The following THSD7B variants were observed in gnomAD, a reference collection of about 807,000 sequenced individuals.
THSD7B encodes the protein thrombospondin type-1 domain-containing protein 7B.
In THSD7B, 138 loss-of-function variants were observed where a neutral mutation model predicts 213.6. The observed-to-expected ratio is 0.65, with a 90% CI of 0.56 to 0.74. The LOEUF (loss-of-function observed/expected upper bound fraction) is 0.74. Among genes scored for constraint, THSD7B ranks in the 30% least tolerant of loss-of-function variants. THSD7B has a pLI of 0.00. For missense variants in THSD7B, 1,931 were observed against 1,991.5 expected (o/e 0.97, Z 0.58); for synonymous variants, 742 against 687.0 (o/e 1.08, Z -1.25).
chr2:137,060,187 T>C lies in THSD7B; in HGVS notation c.950+2957T>C, dbSNP rs558698956. Among the ~76,000 whole-genome samples, 18 of 152,278 alleles carry C rather than the reference T, an allele frequency of 1.2e-4. No individual in the cohort carries two copies. The South Asian group carries it at 3.1e-3, about 26-fold the overall frequency. On this transcript the variant is annotated intron_variant, in intron 3 of 27. Transcript: ENST00000409968. ...TTATTTGATAAGGTGTCTATTCAGA[T>C]GTTTTGTCTATTTTTTAATTGAGTT...
intron 24 of THSD7B, among the ~76,000 whole-genome samples, chr2:137,658,821 T>G (rs12053559): frequency 0.38 from 57,266 of 152,138 alleles, 11,845 homozygotes; most frequent in Non-Finnish European, 0.47. Context: ...CAGAGCTTTT[T>G]GCTAGCTACA....
intron 26 of THSD7B, among the ~76,000 whole-genome samples, chr2:137,665,359 T>C (rs1683426466): frequency 6.6e-6 from 1 of 152,194 alleles, no homozygotes; most frequent in Non-Finnish European, 1.5e-5. Flanking sequence ...TGTGTGAGTA[T>C]ATGTGTGTGT....
At chr2:136,957,745 C>G (rs1262647667) in intron 2 of THSD7B, among the ~76,000 whole-genome samples, 1 of 152,092 alleles carries the variant, frequency 6.6e-6, no homozygotes, top group Non-Finnish European at 1.5e-5. Flanking sequence ...GCTAGAGAAA[C>G]CTTGGCTTAT....
intron 12 of THSD7B, among the ~76,000 whole-genome samples, chr2:137,296,089 G>GA (rs138206885): frequency 0.061 from 9,330 of 152,078 alleles, 531 homozygotes; most frequent in African/African-American, 0.14. Flanking sequence ...ATTCTTTGGG[G>GA]AAAACAATCC....
intron 2 of THSD7B, among the ~76,000 whole-genome samples, chr2:136,934,193 A>G: frequency 6.6e-6 from 1 of 152,354 alleles, no homozygotes; most frequent in Middle Eastern, 3.4e-3. Flanking sequence ...AGTAAATGAC[A>G]TGAAAATTGA....
At chr2:136,868,635 T>C (rs945476980) in intron 1 of THSD7B, among the ~76,000 whole-genome samples, 5 of 152,234 alleles carry the variant, frequency 3.3e-5, no homozygotes, top group Non-Finnish European at 5.9e-5. Context: ...AGTATTTTTT[T>C]AATCTCAAAG....
At chr2:137,536,436 A>C (rs115313038) in intron 15 of THSD7B, among the ~76,000 whole-genome samples, 3,013 of 151,694 alleles carry the variant, frequency 0.02, 101 homozygotes, top group African/African-American at 0.066. Context: ...GTGTTGGCCC[A>C]GGGTGAAAAT....
At position 137,272,170 on chromosome 2, in the gene THSD7B, G is replaced by A. The variant is rs528636116; in HGVS notation, c.2267-363G>A. 2.0e-5 allele frequency among the ~76,000 whole-genome samples: 3 copies of A among 152,226 alleles called. No homozygotes were observed. The East Asian group carries it at 5.8e-4, about 29-fold the overall frequency. On this transcript the variant is annotated intron_variant, in intron 10 of 27. Transcript: ENST00000409968. ...GGAGAAATCCCTTACTCAAGGGACTGAGTTGCTAATAATAAAACACCAGAG... is the reference window on the plus strand; with the variant it reads ...GGAGAAATCCCTTACTCAAGGGACTAAGTTGCTAATAATAAAACACCAGAG...
At chr2:137,454,582 T>C (rs1359261850) in intron 15 of THSD7B, among the ~76,000 whole-genome samples, 1 of 152,156 alleles carries the variant, frequency 6.6e-6, no homozygotes, top group Non-Finnish European at 1.5e-5. Flanking sequence ...ATACTGTACA[T>C]AGAGCTTTGT....
rs540268090 is a variant in THSD7B, at chr2:136,859,664, T to A, written c.-35-22480T>A. Among the ~76,000 whole-genome samples, 258 of 152,316 alleles carry A rather than the reference T, an allele frequency of 1.7e-3. 1 individual carries two copies. The highest frequency in any genetic ancestry group is 5.9e-3 in the African/African-American group (244 of 41,566). On this transcript the variant is annotated intron_variant, in intron 1 of 27. Coordinates refer to ENST00000409968, the MANE Select transcript of THSD7B (RefSeq NM_001316349.2). ...GTGCAAGGTATGCCCCTTCTCTGTG[T>A]GTCCAAAAGGCAGTTTGAATGGTCA...
intron 3 of THSD7B, among the ~76,000 whole-genome samples, chr2:137,074,989 C>A (rs868260002): frequency 2.6e-5 from 4 of 152,164 alleles, no homozygotes; most frequent in Non-Finnish European, 4.4e-5. Flanking sequence ...TTGTGAGTAA[C>A]CCGACCTTTC....
chr2:137,641,722 T>C, intron 20 of THSD7B, among the ~76,000 whole-genome samples: 1 of 152,358 alleles, frequency 6.6e-6, no homozygotes, highest in Admixed American at 6.5e-5. Flanking sequence ...GGAGCACTGC[T>C]CTTTTCTGAG....
At chr2:137,191,780 C>T (rs1028422263) in intron 7 of THSD7B, among the ~76,000 whole-genome samples, 46 of 152,124 alleles carry the variant, frequency 3.0e-4, no homozygotes, top group African/African-American at 1.1e-3. Flanking sequence ...CACAGCCCTA[C>T]TTCAGCAGCT....
intron 15 of THSD7B, among the ~76,000 whole-genome samples, chr2:137,501,852 A>G (rs772897315): frequency 5.3e-5 from 8 of 152,214 alleles, no homozygotes; most frequent in Non-Finnish European, 7.3e-5. Flanking sequence ...TAGTTAACAG[A>G]AATCTAAGCA....
intron 17 of THSD7B, among the ~76,000 whole-genome samples, chr2:137,583,555 A>G (rs1420573644): frequency 6.6e-6 from 1 of 152,172 alleles, no homozygotes; most frequent in East Asian, 1.9e-4. Flanking sequence ...CTTTCTACAT[A>G]TGGCTAGCCA....
chr2:136,994,145 G>T (rs1274626003), intron 2 of THSD7B, among the ~76,000 whole-genome samples: 1 of 152,122 alleles, frequency 6.6e-6, no homozygotes, highest in East Asian at 1.9e-4. Flanking sequence ...TTGGTGGATA[G>T]GTGAATTTGG....
chr2:137,355,343 A>G (rs960080082), intron 12 of THSD7B, among the ~76,000 whole-genome samples: 6 of 152,162 alleles, frequency 3.9e-5, no homozygotes, highest in Non-Finnish European at 5.9e-5. Flanking sequence ...AAAATAAGTG[A>G]TATCATATGG....
intron 3 of THSD7B, among the ~76,000 whole-genome samples, chr2:137,078,515 A>T (rs147605816): frequency 1.6e-3 from 250 of 152,238 alleles, no homozygotes; most frequent in African/African-American, 5.8e-3. Context: ...GCTATTATTT[A>T]AAATAGTAAT....
chr2:137,331,586 C>T (rs1487200953), intron 12 of THSD7B, among the ~76,000 whole-genome samples: 1 of 152,352 alleles, frequency 6.6e-6, no homozygotes, highest in African/African-American at 2.4e-5. Flanking sequence ...GAGCTGCCTG[C>T]CAGTCCTGTG....
Sources: allele counts gnomAD v4.1 joint callset (sites outside exome capture counted in the v4.1 genomes callset), GRCh38; gene constraint gnomAD v4.1.1; transcripts MANE v1.5; gene names NCBI Gene and HGNC (gene_info 2026-07-23, HGNC 2026-07-21).